Variants in ABTB3 observed in about 807,000 individuals in gnomAD.
ABTB3 encodes ankyrin repeat and BTB domain containing 3, also known as ankyrin repeat- and BTB/POZ domain-containing protein 3.
At chr12:107,642,221 G>A in the ABTB3 span, 1 of 1,549,702 alleles carries the variant, frequency 6.5e-7, no homozygotes, top group Non-Finnish European at 8.9e-7. Context: ...ACAGGGCACA[G>A]GTGGTTGCCT....
the ABTB3 span, among the ~76,000 whole-genome samples, chr12:107,323,824 A>G: frequency 6.6e-6 from 1 of 152,130 alleles, no homozygotes; most frequent in Non-Finnish European, 1.5e-5. Flanking sequence ...CACTCAGCAC[A>G]GTGCCTGGCA....
At chr12:107,435,376 C>T in the ABTB3 span, among the ~76,000 whole-genome samples, 2,047 of 152,330 alleles carry the variant, frequency 0.013, 18 homozygotes, top group South Asian at 0.021. Flanking sequence ...TCAGCACTCT[C>T]TCCCACCTGT....
the ABTB3 span, among the ~76,000 whole-genome samples, chr12:107,525,610 A>G: frequency 6.6e-6 from 1 of 152,140 alleles, no homozygotes; most frequent in Non-Finnish European, 1.5e-5. Flanking sequence ...GAAATCGTCT[A>G]AGGACATATT....
At chr12:107,344,530 G>A in the ABTB3 span, among the ~76,000 whole-genome samples, 2 of 152,198 alleles carry the variant, frequency 1.3e-5, no homozygotes, top group South Asian at 4.1e-4. Context: ...GACATCAGAG[G>A]TCAGGTTTCT....
chr12:107,432,631 G>T, the ABTB3 span, among the ~76,000 whole-genome samples: 1 of 152,294 alleles, frequency 6.6e-6, no homozygotes, highest in South Asian at 2.1e-4. Flanking sequence ...AGGATGAATG[G>T]ATGGGAGTTT....
chr12:107,462,763 A>AGTGATGGTG, the ABTB3 span, among the ~76,000 whole-genome samples: 1 of 150,026 alleles, frequency 6.7e-6, no homozygotes, highest in African/African-American at 2.5e-5. Flanking sequence ...CAATGGTGGC[A>AGTGATGGTG]GTGATGGTGA....
chr12:107,385,520 C>T, the ABTB3 span, among the ~76,000 whole-genome samples: 6 of 152,196 alleles, frequency 3.9e-5, no homozygotes, highest in Non-Finnish European at 7.3e-5. Context: ...TAACTGGGAT[C>T]GTCAGGGTTG....
At chr12:107,596,012 C>T in the ABTB3 span, among the ~76,000 whole-genome samples, 1 of 151,832 alleles carries the variant, frequency 6.6e-6, no homozygotes, top group African/African-American at 2.4e-5. Flanking sequence ...TTTCCTGGCA[C>T]ATAATAAATG....
At chr12:107,512,741 T>C in the ABTB3 span, among the ~76,000 whole-genome samples, 1 of 152,260 alleles carries the variant, frequency 6.6e-6, no homozygotes, top group Admixed American at 6.5e-5. Context: ...GGCAAATTAC[T>C]GAACATCTCT....
chr12:107,619,041 G>A, the ABTB3 span, among the ~76,000 whole-genome samples: 410 of 152,306 alleles, frequency 2.7e-3, 1 homozygote, highest in African/African-American at 9.3e-3. Flanking sequence ...TGCCATGGAA[G>A]TGGCCAGACC....
chr12:107,419,181 A>G, the ABTB3 span, among the ~76,000 whole-genome samples: 1 of 152,222 alleles, frequency 6.6e-6, no homozygotes, highest in Non-Finnish European at 1.5e-5. Flanking sequence ...CACAGCAGAG[A>G]CCAGGGGAAC....
At chr12:107,335,023 C>T in the ABTB3 span, among the ~76,000 whole-genome samples, 7 of 152,070 alleles carry the variant, frequency 4.6e-5, no homozygotes, top group African/African-American at 9.7e-5. Context: ...CAGTGGCCTA[C>T]GCCTGTCATC....
chr12:107,614,868 G>A, the ABTB3 span, among the ~76,000 whole-genome samples: 5 of 152,224 alleles, frequency 3.3e-5, no homozygotes, highest in African/African-American at 1.2e-4. Flanking sequence ...CAGATCCACG[G>A]CTTTGGTGAG....
the ABTB3 span, among the ~76,000 whole-genome samples, chr12:107,492,410 C>G: frequency 7.9e-5 from 12 of 152,148 alleles, no homozygotes; most frequent in African/African-American, 2.7e-4. Context: ...TCAGAGAGAC[C>G]TGCGTTCTTG....
chr12:107,350,041 T>C, the ABTB3 span, among the ~76,000 whole-genome samples: 20 of 152,334 alleles, frequency 1.3e-4, no homozygotes, highest in Non-Finnish European at 2.8e-4. Context: ...ATACAGATGG[T>C]TCAAGTTTGC....
At chr12:107,595,880 ATATAT>A in the ABTB3 span, among the ~76,000 whole-genome samples, 1 of 152,116 alleles carries the variant, frequency 6.6e-6, no homozygotes, top group Admixed American at 6.6e-5. Flanking sequence ...ATGCATTCAC[ATATAT>A]TATTTCACAT....
the ABTB3 span, among the ~76,000 whole-genome samples, chr12:107,572,282 C>G: frequency 2.0e-5 from 3 of 151,984 alleles, no homozygotes; most frequent in African/African-American, 7.2e-5. Flanking sequence ...GGAATGGACT[C>G]TCTCCTAGAT....
At chr12:107,619,987 C>T in the ABTB3 span, 55 of 1,606,070 alleles carry the variant, frequency 3.4e-5, no homozygotes, top group African/African-American at 2.1e-4. Flanking sequence ...CCGCTCCAGG[C>T]GTCCCGTGGA....
the ABTB3 span, among the ~76,000 whole-genome samples, chr12:107,547,296 T>C: frequency 3.3e-5 from 5 of 152,148 alleles, no homozygotes; most frequent in Non-Finnish European, 7.4e-5. Flanking sequence ...ATGAGCTCCA[T>C]CTTCCTCACA....
Sources: allele counts gnomAD v4.1 joint callset (sites outside exome capture counted in the v4.1 genomes callset), GRCh38; gene constraint gnomAD v4.1.1; transcripts MANE v1.5; gene names NCBI Gene and HGNC (gene_info 2026-07-23, HGNC 2026-07-21).